The following DYSF variants were observed in gnomAD, a reference collection of about 807,000 sequenced individuals.
DYSF encodes the protein dysferlin.
A neutral mutation model predicts 274.9 loss-of-function variants in DYSF; 212 were observed. The observed-to-expected ratio is 0.77, with a 90% CI of 0.69 to 0.86. DYSF has a LOEUF of 0.86. DYSF is among the 40% of genes least tolerant of loss of function. The probability of loss-of-function intolerance (pLI) is 0.00; values close to 1 mark genes in which losing one functional copy is unlikely to be tolerated. For missense variants in DYSF, 2,666 were observed against 2,783.2 expected, an observed-to-expected ratio of 0.96 and a Z score of 0.95; for synonymous variants, 1,091 against 1,078.7, an observed-to-expected ratio of 1.01 and a Z score of -0.22.
rs1055712655 is a variant in DYSF, at chr2:71,615,852, C to T, written c.4464+2442C>T. On this transcript the variant is annotated intron_variant, in intron 40 of 55. Coordinates refer to ENST00000410020, the MANE Select transcript of DYSF (RefSeq NM_001130987.2). The surrounding 1 kb of genome is among the most constrained non-coding windows in gnomAD (Gnocchi z 4.9). ...GATTTTGGCTGGCTTCTGTCTGCCC[C>T]ACCGGTGTTTCTCGGCAGCCTGTTC... Among the ~76,000 whole-genome samples, 1 of 152,164 alleles carries T rather than the reference C, an allele frequency of 6.6e-6. No individual in the cohort carries two copies. Among genetic ancestry groups the T allele is most frequent in the Non-Finnish European group, 1.5e-5 (1 of 68,032 alleles).
intron 17 of DYSF, among the ~76,000 whole-genome samples, chr2:71,540,536 T>C (rs2089840133): frequency 6.6e-6 from 1 of 152,122 alleles, no homozygotes; most frequent in South Asian, 2.1e-4. Context: ...CAGGGTAAAA[T>C]AATAATATTA....
chr2:71,641,815 A>G (rs1204290313), intron 41 of DYSF, among the ~76,000 whole-genome samples: 1 of 152,116 alleles, frequency 6.6e-6, no homozygotes, highest in Non-Finnish European at 1.5e-5. Flanking sequence ...TTTATTTAAA[A>G]TTTCTCATTT....
intron 1 of DYSF, among the ~76,000 whole-genome samples, chr2:71,460,095 G>A (rs1284693406): frequency 2.0e-5 from 3 of 152,164 alleles, no homozygotes; most frequent in Non-Finnish European, 4.4e-5. Flanking sequence ...ATTGGTATAA[G>A]CATGATGGTC....
At chr2:71,629,578 G>T (rs561718982) in intron 41 of DYSF, among the ~76,000 whole-genome samples, 1 of 152,332 alleles carries the variant, frequency 6.6e-6, no homozygotes, top group African/African-American at 2.4e-5. Flanking sequence ...ACTTTTACCA[G>T]ATGTCTGGAG....
At chr2:71,490,174 A>G (rs1347181069) in intron 3 of DYSF, among the ~76,000 whole-genome samples, 1 of 152,190 alleles carries the variant, frequency 6.6e-6, no homozygotes, top group Non-Finnish European at 1.5e-5. Flanking sequence ...TAAAACAACC[A>G]AAAAATTTCA....
chr2:71,582,106 C>CAAAAAA (rs1159294834), intron 30 of DYSF, among the ~76,000 whole-genome samples: 1,310 of 35,084 alleles, frequency 0.037, 145 homozygotes, highest in East Asian at 0.045. Context: ...GACTCCGTCT[C>CAAAAAA]AAAAAAAAAA....
rs11690146 is a variant in DYSF, at chr2:71,551,985, C to T, written c.1806+265C>T. Reference sequence around the variant, plus strand: ...CTAGAGCTTGATGCAAAATGAGATGCGATTTTATATTAATAACATAAGGAT... The same window carrying T: ...CTAGAGCTTGATGCAAAATGAGATGTGATTTTATATTAATAACATAAGGAT... On this transcript the variant is annotated intron_variant, in intron 19 of 55. Transcript: ENST00000410020. Among the ~76,000 whole-genome samples the T allele has an allele frequency of 0.13, 19,642 of 152,176 alleles. 1,461 individuals carry two copies. The highest frequency in any genetic ancestry group is 0.19 in the African/African-American group (8,029 of 41,500).
chr2:71,547,414 G>A (rs991490802), intron 17 of DYSF, among the ~76,000 whole-genome samples: 1 of 152,200 alleles, frequency 6.6e-6, no homozygotes, highest in Non-Finnish European at 1.5e-5. Context: ...TTGGGAGGCT[G>A]AGGTGGGTGG....
chr2:71,464,380 G>A (rs199970499), upstream of DYSF, among the ~76,000 whole-genome samples: 1 of 152,226 alleles, frequency 6.6e-6, no homozygotes, highest in East Asian at 1.9e-4. Flanking sequence ...TAAGACACAT[G>A]TGCTATACAG....
At chr2:71,659,379 T>C (rs2152941561) in intron 44 of DYSF, among the ~76,000 whole-genome samples, 1 of 152,304 alleles carries the variant, frequency 6.6e-6, no homozygotes, top group East Asian at 1.9e-4. Flanking sequence ...AATTGCTTAA[T>C]GTGTGTCTAG....
intron 17 of DYSF, among the ~76,000 whole-genome samples, chr2:71,544,883 T>C (rs1450562880): frequency 6.6e-6 from 1 of 152,238 alleles, no homozygotes; most frequent in Non-Finnish European, 1.5e-5. Flanking sequence ...AACATATGCC[T>C]TCTGTCAGGG....
At chr2:71,468,523 C>T (rs766021696) in intron 1 of DYSF, among the ~76,000 whole-genome samples, 5 of 152,172 alleles carry the variant, frequency 3.3e-5, no homozygotes, top group South Asian at 2.1e-4. Flanking sequence ...CCAAGTACCC[C>T]GAACACGTGC....
intron 41 of DYSF, 139 bp from the exon 42 acceptor site, chr2:71,643,826 T>G: frequency 1.4e-6 from 1 of 726,232 alleles, no homozygotes; most frequent in Non-Finnish European, 2.5e-6. Flanking sequence ...AGGTTTCCTC[T>G]CTCTGCTCCC....
chr2:71,462,688 T>A (rs1293183810), upstream of DYSF, among the ~76,000 whole-genome samples: 6 of 152,210 alleles, frequency 3.9e-5, no homozygotes, highest in African/African-American at 1.2e-4. Context: ...AGTTCCTTTC[T>A]GCAGGCAGGT....
upstream of DYSF, among the ~76,000 whole-genome samples, chr2:71,464,775 G>A (rs1289064885): frequency 6.6e-6 from 1 of 152,196 alleles, no homozygotes; most frequent in African/African-American, 2.4e-5. Context: ...ATTGAATTGA[G>A]GATAGACCAT....
At position 71,564,146 on chromosome 2, in the gene DYSF, T is replaced by C; in HGVS notation, c.2498T>C (p.Leu833Pro). The C allele has an allele frequency of 1.2e-6, 2 of 1,614,270 alleles. No homozygotes were observed. Among genetic ancestry groups the C allele is most frequent in the Non-Finnish European group, 1.7e-6 (2 of 1,180,046 alleles). Residue 833 changes from leucine (L) to proline (P), a missense_variant, in exon 24 of 56, where the codon CTC becomes CCC. Coordinates refer to ENST00000410020, the MANE Select transcript of DYSF (RefSeq NM_001130987.2). ...CAGCGGGTGCCCGCCCACCAAGTCCTCTTCTCCCGGCGGGGTGCCAACTAC... is the reference window on the plus strand; with the variant it reads ...CAGCGGGTGCCCGCCCACCAAGTCCCCTTCTCCCGGCGGGGTGCCAACTAC... ...AYQRVPAHQV[L>P]FSRRGANYCG...
intron 47 of DYSF, 79 bp from the exon 48 acceptor site, chr2:71,667,297 C>T (rs962873733): frequency 5.6e-6 from 9 of 1,605,564 alleles, no homozygotes; most frequent in Non-Finnish European, 6.8e-6. Context: ...GGCAGCCCTG[C>T]TCAGCCTGTT....
chr2:71,554,475 A>G (rs1160339609), intron 21 of DYSF, among the ~76,000 whole-genome samples: 1 of 152,182 alleles, frequency 6.6e-6, no homozygotes, highest in Non-Finnish European at 1.5e-5. Context: ...GCAGGTGGCC[A>G]AGGAGCATCA....
At chr2:71,661,856 C>A (rs1179647178) in intron 45 of DYSF, among the ~76,000 whole-genome samples, 3 of 152,298 alleles carry the variant, frequency 2.0e-5, no homozygotes, top group Admixed American at 1.3e-4. Context: ...GAAGGTGAAC[C>A]AGCCCTGGCC....
Sources: gnomAD v4.1 joint callset for allele counts (sites outside exome capture counted in the v4.1 genomes callset) on GRCh38, gnomAD v4.1.1 for gene constraint, Gnocchi (gnomAD v3.1) non-coding constraint, MANE v1.5 for transcripts, NCBI Gene and HGNC (gene_info 2026-07-23, HGNC 2026-07-21) for gene names.